GLOD4: variants seen among roughly 807,000 people sequenced by gnomAD.
GLOD4 encodes the protein glyoxalase domain-containing protein 4.
A neutral mutation model predicts 39.1 loss-of-function variants in GLOD4; 44 were observed. The observed-to-expected ratio is 1.13, with a 90% CI of 0.88 to 1.45. The LOEUF (loss-of-function observed/expected upper bound fraction) is 1.45. Among genes scored for constraint, GLOD4 ranks in the 40% most tolerant of loss-of-function variants. The pLI, the probability that GLOD4 is intolerant of heterozygous loss-of-function variation, is 0.00. For synonymous variants in GLOD4, 145 were observed against 135.0 expected (o/e 1.07, Z -0.52); for missense variants, 405 against 366.4 (o/e 1.11, Z -0.86).
Position 759,831 on chromosome 17 carries a change from G to C in GLOD4, c.*342C>G, listed in dbSNP as rs1597571581. 4.0e-6 allele frequency: 1 copy of C among 249,848 alleles called. No homozygotes were observed. The highest frequency in any genetic ancestry group is 7.7e-6 in the Non-Finnish European group (1 of 129,640). The allele number at this position is 249,848 out of a possible 1,614,324, so 15.5% of individuals were successfully genotyped here. A position where few individuals can be genotyped will look rare whatever the true frequency, so the allele number is the denominator to read the frequency against. Reference sequence around the variant, plus strand: ...GCTCTCATAAAAGCTACACGATTCAGAGGTAACCCTAACTATCCGCAATCC... The same window carrying C: ...GCTCTCATAAAAGCTACACGATTCACAGGTAACCCTAACTATCCGCAATCC... On this transcript the variant is annotated 3_prime_UTR_variant, in exon 9 of 9. Transcript: ENST00000301329.
In GLOD4 at chr17:760,108, G is replaced by C. The variant is rs1013954506; in HGVS notation, c.*65C>G. 4.5e-6 allele frequency: 4 copies of C among 897,174 alleles called. No individual in the cohort carries two copies. In the African/African-American group the frequency reaches 6.5e-5, roughly 15 times the overall value. 55.6% of individuals were successfully genotyped at this position (897,174 alleles called of 1,614,324 possible). ...ATCAGAAGAGCATTTATTGGGAACTGACACGTCAGGCCTCACAGGTGCTGG... is the reference window on the plus strand; with the variant it reads ...ATCAGAAGAGCATTTATTGGGAACTCACACGTCAGGCCTCACAGGTGCTGG... On this transcript the variant is annotated 3_prime_UTR_variant, in exon 9 of 9. Coordinates refer to ENST00000301329, the MANE Select transcript of GLOD4 (RefSeq NM_016080.4).
intron 8 of GLOD4, chr17:764,728 G>A (rs1475995581): frequency 6.6e-6 from 1 of 152,186 alleles, no homozygotes. Flanking sequence ...TGTTGAGTAG[G>A]CCGGGCGCGG....
Position 760,070 on chromosome 17 carries a change from G to A in GLOD4, c.*103C>T, listed in dbSNP as rs1043252800. The A allele has an allele frequency of 2.7e-6, 2 of 754,140 alleles. No individual in the cohort carries two copies. Among genetic ancestry groups the A allele is most frequent in the Admixed American group, 1.9e-5 (1 of 51,890 alleles). The allele number at this position is 754,140 out of a possible 1,614,324, so 46.7% of individuals were successfully genotyped here. ...CTGCACTACCCAAGCCTCCTTGCCT[G>A]TACGGGAAACAAATCAGAAGAGCAT... is the stretch of plus-strand genomic sequence containing the variant. On this transcript the variant is annotated 3_prime_UTR_variant, in exon 9 of 9. Coordinates refer to ENST00000301329, the MANE Select transcript of GLOD4 (RefSeq NM_016080.4).
chr17:771,113 G>T, intron 5 of GLOD4: 1 of 391,266 alleles, frequency 2.6e-6, no homozygotes, highest in East Asian at 4.6e-5. Flanking sequence ...CTTCTGAAGA[G>T]ATATATCCCC....
chr17:782,162 G>A lies in GLOD4; in HGVS notation c.90+4C>T. 6.3e-7 allele frequency: 1 copy of A among 1,594,688 alleles called. No individual in the cohort carries two copies. ...CGCCAGCCCCTGTCGGCCCCGGCCT[G>A]CACCTTCATCCCCAGGACGTCCCGA... On this transcript the variant is annotated splice_donor_region_variant and intron_variant, in intron 1 of 8. Transcript: ENST00000301329.
At chr17:773,132 C>T (rs925310037) in intron 4 of GLOD4, among the ~76,000 whole-genome samples, 1 of 152,086 alleles carries the variant, frequency 6.6e-6, no homozygotes, top group Admixed American at 6.6e-5. Flanking sequence ...AGGGGAAAAT[C>T]ACAATCATGT....
intron 4 of GLOD4, 102 bp from the exon 5 acceptor site, chr17:771,563 A>G (rs1907951128): frequency 2.9e-6 from 2 of 695,652 alleles, no homozygotes; most frequent in Non-Finnish European, 4.6e-6. Context: ...TTATGATAAG[A>G]AAGGGATTTT....
In GLOD4 at chr17:760,224, A is replaced by G. The variant is rs758282527; in HGVS notation, c.846T>C (p.Asp282=). The G allele has an allele frequency of 2.5e-6, 4 of 1,583,524 alleles. No homozygotes were observed. In the South Asian group the frequency reaches 4.4e-5, roughly 17 times the overall value. ...SKLLDDAMAA[D]KSDEWFAKHN... ...GTTTGGCAAACCACTCGTCACTTTT[A>G]TCTGCTGCCATTGCCTGTAAAATAG... The change falls in exon 9 of 9, where the codon GAT becomes GAC. Residue 282 remains aspartate (D), a synonymous_variant. Transcript: ENST00000301329.
chr17:762,952 G>C (rs182036051), intron 8 of GLOD4, among the ~76,000 whole-genome samples: 1 of 152,174 alleles, frequency 6.6e-6, no homozygotes, highest in Non-Finnish European at 1.5e-5. Flanking sequence ...CGAGGCAGGC[G>C]GATCACGAGG....
rs777525022 is a variant in GLOD4 at position 770,431 on chromosome 17, GGGC to G, written c.617_619del (p.Cys206_Pro207delinsSer). 1 of 1,539,262 alleles carries G rather than the reference GGGC, an allele frequency of 6.5e-7. No individual in the cohort carries two copies. Among genetic ancestry groups the G allele is most frequent in the Admixed American group, 1.7e-5 (1 of 59,942 alleles). ...GGTATCAAGCGTTACCTCTTTCTGGGGGCAAGAGAAGGCAATTCTTCCAAAAGC... is the reference window on the plus strand; with the variant it reads ...GGTATCAAGCGTTACCTCTTTCTGGGAAGAGAAGGCAATTCTTCCAAAAGC... On this transcript the variant is annotated inframe_deletion, in exon 6 of 9. Coordinates refer to ENST00000301329, the MANE Select transcript of GLOD4 (RefSeq NM_016080.4).
chr17:769,898 C>A lies in GLOD4; in HGVS notation c.802G>T (p.Asp268Tyr), dbSNP rs746588800. ...TCCAACAATTTGCTTCCCTCTGGAT[C>A]CATCTTAGAAAGTTCTCGAAATGCT... ...DEAFRELSKMDPEGSKLLDDA... is the reference protein window; with the variant it reads ...DEAFRELSKMYPEGSKLLDDA... Residue 268 changes from aspartate to tyrosine, a missense_variant, in exon 8 of 9, where the codon GAT (aspartate) becomes TAT (tyrosine). Physicochemically the swap from Asp to Tyr is radical, Grantham distance 160. Transcript: ENST00000301329. 1.1e-5 allele frequency: 17 copies of A among 1,606,726 alleles called. No homozygotes were observed. The South Asian group carries it at 1.6e-4, about 16-fold the overall frequency.
In GLOD4 at chr17:767,943, AAG is replaced by A. The variant is rs57361514; in HGVS notation, c.831+1924_831+1925del. 8.8e-3 allele frequency among the ~76,000 whole-genome samples: 1,016 copies of A among 114,944 alleles called. 23 individuals carry two copies. The highest frequency in any genetic ancestry group is 0.032 in the African/African-American group (950 of 29,760). The allele number at this position is 114,944 out of a possible 152,430, so 75.4% of individuals were successfully genotyped here. ...TTTAGAAAAAATCTGGAGAGGACGT[AAG>A]AGAGAGAAACAGCGCGCACTCAGAT... On this transcript the variant is annotated intron_variant, in intron 8 of 8. Coordinates refer to ENST00000301329, the MANE Select transcript of GLOD4 (RefSeq NM_016080.4).
chr17:782,740 C>A (rs1443138206), upstream of GLOD4: 6 of 1,543,014 alleles, frequency 3.9e-6, no homozygotes, highest in African/African-American at 1.4e-5. Context: ...CCCTTCCCGT[C>A]GCACAGCGGA....
intron 8 of GLOD4, among the ~76,000 whole-genome samples, chr17:768,964 C>T (rs959390613): frequency 6.6e-6 from 1 of 152,228 alleles, no homozygotes; most frequent in African/African-American, 2.4e-5. Context: ...AAACAGTGCG[C>T]ACTCAGATTT....
chr17:782,134 G>C, intron 1 of GLOD4, 32 bp downstream of exon 1: 1 of 1,522,674 alleles, frequency 6.6e-7, no homozygotes, highest in African/African-American at 1.4e-5. Flanking sequence ...TTCCAGCCTC[G>C]CGCGCCAGCC....
intron 8 of GLOD4, among the ~76,000 whole-genome samples, chr17:768,024 T>G (rs190977856): frequency 1.0e-4 from 14 of 136,674 alleles, no homozygotes; most frequent in Admixed American, 9.8e-4. Context: ...CGCACTCAGA[T>G]TTTTAGAAGA....
At chr17:766,026 A>G (rs1257810554) in intron 8 of GLOD4, among the ~76,000 whole-genome samples, 1 of 151,678 alleles carries the variant, frequency 6.6e-6, no homozygotes, top group Non-Finnish European at 1.5e-5. Context: ...GAGTTCATCA[A>G]TGGTTCACAT....
intron 8 of GLOD4, among the ~76,000 whole-genome samples, chr17:766,032 C>T (rs1369334791): frequency 6.6e-6 from 1 of 152,060 alleles, no homozygotes; most frequent in Non-Finnish European, 1.5e-5. Context: ...ATCAATGGTT[C>T]ACATCTATAA....
intron 4 of GLOD4, among the ~76,000 whole-genome samples, chr17:773,351 A>G (rs184329858): frequency 1.3e-5 from 2 of 152,344 alleles, no homozygotes; most frequent in East Asian, 3.9e-4. Flanking sequence ...ATATCCAACA[A>G]TAGAGAATTG....
Sources: gnomAD v4.1 joint callset for allele counts (sites outside exome capture counted in the v4.1 genomes callset) on GRCh38, gnomAD v4.1.1 for gene constraint, MANE v1.5 for transcripts, NCBI Gene and HGNC (gene_info 2026-07-23, HGNC 2026-07-21) for gene names.